Variants in MALRD1 observed in about 807,000 individuals in gnomAD.
MALRD1 encodes MAM and LDL-receptor class A domain-containing protein 1.
A neutral mutation model predicts 242.1 loss-of-function variants in MALRD1; 247 were observed. That is an observed-to-expected ratio of 1.02 (90% confidence interval 0.92 to 1.13). The LOEUF is 1.13. Ranked by LOEUF, MALRD1 falls within the 50% of genes most tolerant of loss-of-function variation. The pLI, the probability that MALRD1 is intolerant of heterozygous loss-of-function variation, is 0.00. For synonymous variants in MALRD1, 995 were observed against 866.6 expected, an observed-to-expected ratio of 1.15 and a Z score of -2.60; for missense variants, 2,989 against 2,533.1, an observed-to-expected ratio of 1.18 and a Z score of -3.86.
At position 19,717,074 on chromosome 10, in the gene MALRD1, T is replaced by G. The variant is rs564852223; in HGVS notation, c.6315-13632T>G. ...GATACTATCAGGTGTTTTATTTGAT[T>G]TAAGAGCCTTGCTTCACTTGTTTTT... is the stretch of plus-strand genomic sequence containing the variant. On this transcript the variant is annotated intron_variant, in intron 38 of 39. Coordinates refer to ENST00000454679, the MANE Select transcript of MALRD1 (RefSeq NM_001142308.3). Among the ~76,000 whole-genome samples the G allele has an allele frequency of 1.2e-4, 18 of 152,316 alleles. No homozygotes were observed. In the South Asian group the frequency reaches 2.1e-3, roughly 18 times the overall value.
At chr10:19,068,045 G>A (rs531417520) in intron 2 of MALRD1, among the ~76,000 whole-genome samples, 2 of 152,244 alleles carry the variant, frequency 1.3e-5, no homozygotes, top group South Asian at 2.1e-4. Flanking sequence ...ATTTAGTTAT[G>A]TTAGATGGTG....
intron 22 of MALRD1, among the ~76,000 whole-genome samples, chr10:19,326,477 TCA>T (rs927249637): frequency 1.1e-4 from 17 of 152,220 alleles, no homozygotes; most frequent in South Asian, 8.3e-4. Context: ...ATATTTTTTC[TCA>T]GTGATTTGTA....
chr10:19,404,826 A>G (rs1847019094), intron 28 of MALRD1, among the ~76,000 whole-genome samples: 2 of 152,000 alleles, frequency 1.3e-5, no homozygotes, highest in African/African-American at 4.8e-5. Flanking sequence ...GATCAGAATC[A>G]TTATACATAA....
intron 8 of MALRD1, among the ~76,000 whole-genome samples, chr10:19,131,752 C>A (rs998681742): frequency 6.6e-6 from 1 of 152,112 alleles, no homozygotes; most frequent in Non-Finnish European, 1.5e-5. Flanking sequence ...AAATATTTTT[C>A]TTGAAAGGTA....
At chr10:19,472,486 T>C (rs941498399) in intron 29 of MALRD1, among the ~76,000 whole-genome samples, 3 of 151,996 alleles carry the variant, frequency 2.0e-5, no homozygotes. Flanking sequence ...TCAATCTTTT[T>C]TAAAAGAAGA....
In MALRD1 at chr10:19,209,497, T is replaced by C. The variant is rs1257090582; in HGVS notation, c.2808T>C (p.Thr936=). The change falls in exon 18 of 40, where the codon ACT becomes ACC. Residue 936 remains threonine (T), a synonymous_variant. Coordinates refer to ENST00000454679, the MANE Select transcript of MALRD1 (RefSeq NM_001142308.3). Reference sequence around the variant, plus strand: ...TACTCAGCCCAATCCTTAATGCCACTGATACAAAAGGCTGCACCTTCCGCT... The same window carrying C: ...TACTCAGCCCAATCCTTAATGCCACCGATACAAAAGGCTGCACCTTCCGCT... The part of the protein sequence containing the change: ...AALLSPILNA[T]DTKGCTFRFY... 4 of 1,550,626 alleles carry C rather than the reference T, an allele frequency of 2.6e-6. No homozygotes were observed. The highest frequency in any genetic ancestry group is 2.4e-5 in the East Asian group (1 of 40,928).
chr10:19,135,590 A>G (rs1204073293), intron 9 of MALRD1, among the ~76,000 whole-genome samples: 4 of 152,210 alleles, frequency 2.6e-5, no homozygotes, highest in African/African-American at 9.6e-5. Context: ...TTTCTGCCTA[A>G]TGGAAATGCT....
Position 19,668,642 on chromosome 10 carries a change from A to G in MALRD1, c.6138-23640A>G, listed in dbSNP as rs1402445179. 2.0e-5 allele frequency among the ~76,000 whole-genome samples: 3 copies of G among 152,328 alleles called. No individual in the cohort carries two copies. The East Asian group carries it at 5.8e-4, about 29-fold the overall frequency. On this transcript the variant is annotated intron_variant, in intron 36 of 39. Transcript: ENST00000454679. The stretch of plus-strand genomic sequence containing the variant: ...AATTCTATTTAATATGTGCAGAGTT[A>G]GAATATATACCTGGAGTCTGTGAAA...
At position 19,205,260 on chromosome 10, in the gene MALRD1, A is replaced by G. The variant is rs1170404200; in HGVS notation, c.2573A>G (p.Asn858Ser). 2 of 1,543,404 alleles carry G rather than the reference A, an allele frequency of 1.3e-6. No individual in the cohort carries two copies. The highest frequency in any genetic ancestry group is 8.7e-7 in the Non-Finnish European group (1 of 1,143,364). Residue 858 changes from asparagine (N) to serine (S), a missense_variant, in exon 17 of 40, where the codon AAC becomes AGC. Physicochemically the swap from Asn to Ser is conservative, Grantham distance 46. Coordinates refer to ENST00000454679, the MANE Select transcript of MALRD1 (RefSeq NM_001142308.3). ...DDCGDRTDEV[N>S]CAPELQCNFE... ...TGTGGTGATCGTACTGATGAAGTCA[A>G]CTGTGGTAAGTTCTTTTTGGTTGGG...
rs1235349992 is a variant in MALRD1, at chr10:19,734,475, T to A, written c.*238T>A. On this transcript the variant is annotated 3_prime_UTR_variant, in exon 40 of 40. Coordinates refer to ENST00000454679, the MANE Select transcript of MALRD1 (RefSeq NM_001142308.3). ...ATATTTTAATAAAATTTCTATTTAATCAAGTTTCTTGTTTTTCTTTGATTT... is the reference window on the plus strand; with the variant it reads ...ATATTTTAATAAAATTTCTATTTAAACAAGTTTCTTGTTTTTCTTTGATTT... The A allele has an allele frequency of 3.1e-6, 1 of 325,058 alleles. No individual in the cohort carries two copies. The highest frequency in any genetic ancestry group is 5.5e-6 in the Non-Finnish European group (1 of 181,438). 20.1% of individuals were successfully genotyped at this position (325,058 alleles called of 1,614,324 possible). A position where few individuals can be genotyped will look rare whatever the true frequency, so the allele number is the denominator to read the frequency against.
chr10:19,704,647 C>G (rs1354645557), intron 38 of MALRD1, among the ~76,000 whole-genome samples: 1 of 152,170 alleles, frequency 6.6e-6, no homozygotes, highest in Non-Finnish European at 1.5e-5. Context: ...GAGCAAGTCT[C>G]ATAATTCCCT....
intron 36 of MALRD1, among the ~76,000 whole-genome samples, chr10:19,650,486 A>AT (rs894432428): frequency 6.6e-6 from 1 of 152,164 alleles, no homozygotes; most frequent in African/African-American, 2.4e-5. Context: ...GTTTTTCCTT[A>AT]TTTTTCCTTA....
intron 31 of MALRD1, among the ~76,000 whole-genome samples, chr10:19,504,063 C>T (rs117713614): frequency 0.01 from 1,568 of 152,272 alleles, 15 homozygotes; most frequent in Non-Finnish European, 0.015. Flanking sequence ...TGTATAATAG[C>T]AATTTAAGAC....
intron 21 of MALRD1, among the ~76,000 whole-genome samples, chr10:19,309,604 G>A (rs1465947776): frequency 6.6e-6 from 1 of 151,520 alleles, no homozygotes; most frequent in Non-Finnish European, 1.5e-5. Context: ...TGTGTGAACA[G>A]GTGAAAAGGT....
intron 28 of MALRD1, among the ~76,000 whole-genome samples, chr10:19,399,408 CTTAA>C (rs1371751555): frequency 6.6e-6 from 1 of 152,048 alleles, no homozygotes; most frequent in Non-Finnish European, 1.5e-5. Context: ...CGTTTAAGTT[CTTAA>C]TTAATTTTTA....
intron 38 of MALRD1, among the ~76,000 whole-genome samples, chr10:19,719,231 T>TAC (rs1564567434): frequency 2.9e-4 from 9 of 31,404 alleles, no homozygotes; most frequent in East Asian, 9.3e-4. Context: ...TACATATATA[T>TAC]ATATATATAT....
chr10:19,557,129 C>A (rs539558264), intron 32 of MALRD1, among the ~76,000 whole-genome samples: 1 of 152,072 alleles, frequency 6.6e-6, no homozygotes, highest in East Asian at 1.9e-4. Flanking sequence ...ATCCATTTTT[C>A]TCATCAGGTT....
chr10:19,634,676 A>G (rs1724635863), intron 36 of MALRD1, among the ~76,000 whole-genome samples: 1 of 152,306 alleles, frequency 6.6e-6, no homozygotes, highest in East Asian at 1.9e-4. Context: ...TTTCCGTAAT[A>G]CTCATCTGGA....
chr10:19,682,394 G>A (rs1392356620), intron 36 of MALRD1, among the ~76,000 whole-genome samples: 1 of 152,202 alleles, frequency 6.6e-6, no homozygotes, highest in Non-Finnish European at 1.5e-5. Context: ...AATAGCAAAA[G>A]ACCTGTTAGA....
Sources: gnomAD v4.1 joint callset for allele counts (sites outside exome capture counted in the v4.1 genomes callset) on GRCh38, gnomAD v4.1.1 for gene constraint, MANE v1.5 for transcripts, NCBI Gene and HGNC (gene_info 2026-07-23, HGNC 2026-07-21) for gene names.